YLPM1: variants seen among roughly 807,000 people sequenced by gnomAD.
YLPM1 encodes YLP motif-containing protein 1.
Under a neutral mutation model 230.0 loss-of-function variants are expected in YLPM1, and 99 were observed. That is an observed-to-expected ratio of 0.43 (90% CI 0.37 to 0.51). The LOEUF (loss-of-function observed/expected upper bound fraction) is 0.51, where lower values mean the gene tolerates loss of function less well. YLPM1 is among the 20% of genes least tolerant of loss of function. The probability of loss-of-function intolerance (pLI) is 0.00; values close to 1 mark genes in which losing one functional copy is unlikely to be tolerated. For synonymous variants in YLPM1, 984 were observed against 942.5 expected, an observed-to-expected ratio of 1.04 and a Z score of -0.81; for missense variants, 2,592 against 2,707.7, an observed-to-expected ratio of 0.96 and a Z score of 0.95.
At chr14:74,811,763 A>C in intron 10 of YLPM1, 25 bp downstream of exon 10, 1 of 1,465,738 alleles carries the variant, frequency 6.8e-7, no homozygotes, top group Non-Finnish European at 9.3e-7. Flanking sequence ...TATTAACTAC[A>C]AGGATGTTGA....
intron 5 of YLPM1, among the ~76,000 whole-genome samples, chr14:74,799,917 T>C (rs1271784117): frequency 6.6e-6 from 1 of 152,236 alleles, no homozygotes; most frequent in East Asian, 1.9e-4. Context: ...GAAAATTGAT[T>C]GCTGTCTTGG....
In YLPM1 at chr14:74,799,366, C is replaced by G; in HGVS notation, c.4069C>G (p.Arg1357Gly). 6.2e-7 allele frequency: 1 copy of G among 1,613,930 alleles called. No individual in the cohort carries two copies. Among genetic ancestry groups the G allele is most frequent in the East Asian group, 2.2e-5 (1 of 44,884 alleles). ...TGATAGATGGAGAGAAGAAAGAAATCGAGAGCATGGGTATGATCGAGATTT... is the reference window on the plus strand; with the variant it reads ...TGATAGATGGAGAGAAGAAAGAAATGGAGAGCATGGGTATGATCGAGATTT... ...RDDRWREERN[R>G]EHGYDRDFRD... The change falls in exon 5 of 21, where the codon CGA becomes GGA. Residue 1357 changes from arginine (R) to glycine (G), a missense_variant. Coordinates refer to ENST00000325680, the MANE Select transcript of YLPM1 (RefSeq NM_019589.3).
At chr14:74,810,518 C>A in intron 9 of YLPM1, 98 bp downstream of exon 9, 1 of 1,261,108 alleles carries the variant, frequency 7.9e-7, no homozygotes, top group Non-Finnish European at 1.1e-6. Context: ...TCTTCTCATG[C>A]ATGTGTATAT....
intron 3 of YLPM1, among the ~76,000 whole-genome samples, chr14:74,780,810 A>G (rs2140087460): frequency 6.6e-6 from 1 of 152,312 alleles, no homozygotes; most frequent in Middle Eastern, 3.4e-3. Context: ...ATGTTAGCTT[A>G]CTATTGCTAA....
rs765525183 is a variant in YLPM1, at chr14:74,799,354, G to A, written c.4057G>A (p.Glu1353Lys). The change falls in exon 5 of 21, where the codon GAA (glutamate) becomes AAA (lysine). Residue 1353 changes from glutamate (E) to lysine (K), a missense_variant. By Grantham distance (56) the Glu-to-Lys change is moderately conservative. Around this residue, in one of 4 missense-constraint regions of YLPM1, gnomAD observed 1,862 missense variants for 1,819.8 expected, o/e 1.02. Coordinates refer to ENST00000325680, the MANE Select transcript of YLPM1 (RefSeq NM_019589.3). ...LDRYRDDRWR[E>K]ERNREHGYDR... ...TAGATATCGGGATGATAGATGGAGA[G>A]AAGAAAGAAATCGAGAGCATGGGTA... 6.2e-7 allele frequency: 1 copy of A among 1,614,018 alleles called. No homozygotes were observed. The highest frequency in any genetic ancestry group is 8.5e-7 in the Non-Finnish European group (1 of 1,179,898).
chr14:74,786,594 T>G (rs1045723091), intron 4 of YLPM1, among the ~76,000 whole-genome samples: 1 of 152,144 alleles, frequency 6.6e-6, no homozygotes, highest in African/African-American at 2.4e-5. Flanking sequence ...TGTATTATTG[T>G]GAGAGTCATC....
At chr14:74,783,196 C>T (rs1467846869) in intron 4 of YLPM1, among the ~76,000 whole-genome samples, 1 of 152,086 alleles carries the variant, frequency 6.6e-6, no homozygotes, top group Middle Eastern at 3.2e-3. Flanking sequence ...TCCCAGGTGG[C>T]TGGGACCAGA....
At chr14:74,821,870 A>G (rs1369969252) in intron 17 of YLPM1, 1 of 152,188 alleles carries the variant, frequency 6.6e-6, no homozygotes, top group Non-Finnish European at 1.5e-5. Context: ...TAAATCCAGA[A>G]TATTACTCGG....
intron 1 of YLPM1, 48 bp downstream of exon 1, chr14:74,764,410 A>G (rs1395606985): frequency 6.6e-7 from 1 of 1,525,824 alleles, no homozygotes; most frequent in Non-Finnish European, 8.8e-7. Context: ...GAGGGCCCTG[A>G]ATGAGCAGGC....
At position 74,812,775 on chromosome 14, in the gene YLPM1, C is replaced by A; in HGVS notation, c.5495C>A (p.Pro1832His). The A allele has an allele frequency of 2.5e-6, 4 of 1,613,250 alleles. No homozygotes were observed. The highest frequency in any genetic ancestry group is 3.4e-6 in the Non-Finnish European group (4 of 1,179,566). ...ILKPPGRESR[P>H]ERIVVIMRGL... ...AAACCACCGGGCCGGGAGAGCAGAC[C>A]TGAGAGAGTGAGTCCTATGAAGTTG... The change falls in exon 11 of 21, where the codon CCT becomes CAT. Residue 1832 changes from proline to histidine, a missense_variant. Around this residue, in one of 4 missense-constraint regions of YLPM1, gnomAD observed 315 missense variants for 429.3 expected, o/e 0.73. Transcript: ENST00000325680.
At chr14:74,800,983 A>T (rs1022157322) in intron 5 of YLPM1, among the ~76,000 whole-genome samples, 3 of 152,220 alleles carry the variant, frequency 2.0e-5, no homozygotes, top group African/African-American at 4.8e-5. Flanking sequence ...GTAAGTGGCA[A>T]ACCCGGCCTT....
intron 4 of YLPM1, among the ~76,000 whole-genome samples, chr14:74,792,814 G>A (rs554759794): frequency 1.4e-4 from 22 of 152,216 alleles, no homozygotes; most frequent in African/African-American, 3.9e-4. Context: ...GCTGTTTATC[G>A]AATCTCATGG....
intron 12 of YLPM1, 75 bp downstream of exon 12, chr14:74,816,340 C>A: frequency 6.8e-7 from 1 of 1,462,664 alleles, no homozygotes; most frequent in Non-Finnish European, 9.4e-7. Context: ...TTATTAATAG[C>A]AAGCAACATA....
intron 1 of YLPM1, among the ~76,000 whole-genome samples, chr14:74,778,159 C>T (rs1437715097): frequency 1.3e-5 from 2 of 152,112 alleles, no homozygotes; most frequent in Admixed American, 1.3e-4. Context: ...GATCATTTAT[C>T]AAAAAGATGG....
chr14:74,819,577 CATT>C (rs2091504939), intron 16 of YLPM1, among the ~76,000 whole-genome samples: 1 of 151,980 alleles, frequency 6.6e-6, no homozygotes, highest in African/African-American at 2.4e-5. Context: ...GCCCAACCGT[CATT>C]GTTCTTTTAT....
chr14:74,783,092 T>C (rs2091111783), intron 4 of YLPM1, among the ~76,000 whole-genome samples: 1 of 152,218 alleles, frequency 6.6e-6, no homozygotes, highest in Admixed American at 6.5e-5. Flanking sequence ...TGAGACAGGG[T>C]CTCGGTTTTT....
chr14:74,799,032 G>A lies in YLPM1; in HGVS notation c.3735G>A (p.Glu1245=). The A allele has an allele frequency of 6.2e-7, 1 of 1,613,940 alleles. No individual in the cohort carries two copies. The highest frequency in any genetic ancestry group is 1.1e-5 in the South Asian group (1 of 91,066). ...ATACACTAGAGCTCTATAACAGAGA[G>A]GACAGGTTCTCAGCACCACCATCTC... is the stretch of plus-strand genomic sequence containing the variant. ...QDDTLELYNR[E]DRFSAPPSRS... is the part of the protein sequence containing the mutation. Residue 1245 remains glutamate (E), a synonymous_variant, in exon 5 of 21, where the codon GAG becomes GAA. Transcript: ENST00000325680.
intron 19 of YLPM1, among the ~76,000 whole-genome samples, chr14:74,832,674 T>C (rs1311820006): frequency 2.0e-5 from 3 of 152,122 alleles, no homozygotes; most frequent in Admixed American, 6.5e-5. Context: ...GGTTTCGCCA[T>C]GTTGGCCAGG....
At chr14:74,808,392 A>G (rs1375584241) in intron 6 of YLPM1, among the ~76,000 whole-genome samples, 1 of 152,130 alleles carries the variant, frequency 6.6e-6, no homozygotes, top group Non-Finnish European at 1.5e-5. Flanking sequence ...CAGTTGTTGG[A>G]CATTAGGGTT....
Sources: allele counts gnomAD v4.1 joint callset (sites outside exome capture counted in the v4.1 genomes callset), GRCh38; gene constraint gnomAD v4.1.1; regional missense constraint gnomAD v4.1.1; transcripts MANE v1.5; gene names NCBI Gene and HGNC (gene_info 2026-07-23, HGNC 2026-07-21).